The following SLC10A7 variants were observed in gnomAD, a reference collection of about 807,000 sequenced individuals.
SLC10A7 encodes sodium/bile acid cotransporter 7.
A neutral mutation model predicts 43.2 loss-of-function variants in SLC10A7; 29 were observed. The observed-to-expected ratio is 0.67, with a 90% confidence interval of 0.50 to 0.92. The LOEUF is 0.92. Among genes scored for constraint, SLC10A7 ranks in the 40% least tolerant of loss-of-function variants. SLC10A7 has a pLI of 0.00. For missense variants in SLC10A7, 295 were observed against 403.2 expected, an observed-to-expected ratio of 0.73 and a Z score of 2.30; for synonymous variants, 152 against 144.8, an observed-to-expected ratio of 1.05 and a Z score of -0.35.
rs185040300 is a variant in SLC10A7, at chr4:146,496,613, G to T, written c.396+7236C>A. On this transcript the variant is annotated intron_variant, in intron 4 of 11. Transcript: ENST00000335472. ...AATCTGAAAAACCTGGCCTTGTTAA[G>T]TGCCCCAGTTTATTACCATTAGAGC... Among the ~76,000 whole-genome samples the T allele has an allele frequency of 2.6e-5, 4 of 152,232 alleles. No individual in the cohort carries two copies. The South Asian group carries it at 8.3e-4, about 32-fold the overall frequency.
chr4:146,345,398 A>G (rs551561006), intron 5 of SLC10A7, among the ~76,000 whole-genome samples: 11 of 152,258 alleles, frequency 7.2e-5, no homozygotes, highest in Non-Finnish European at 1.3e-4. Flanking sequence ...TTAAGGACGA[A>G]TATTATAACT....
Position 146,454,350 on chromosome 4 carries a change from G to A in SLC10A7, c.397-11529C>T, listed in dbSNP as rs79075938. On this transcript the variant is annotated intron_variant, in intron 4 of 11. Coordinates refer to ENST00000335472, the MANE Select transcript of SLC10A7 (RefSeq NM_001029998.6). ...AAATCAGAATTTTTAAGTGGGAGAG[G>A]CCATTAAATACTATGACAATCCCTT... Among the ~76,000 whole-genome samples, 355 of 151,880 alleles carry A rather than the reference G, an allele frequency of 2.3e-3. 2 individuals are homozygous for A. Among genetic ancestry groups the A allele is most frequent in the African/African-American group, 8.2e-3 (339 of 41,488 alleles).
At chr4:146,456,001 T>C (rs972347860) in intron 4 of SLC10A7, among the ~76,000 whole-genome samples, 2 of 151,724 alleles carry the variant, frequency 1.3e-5, no homozygotes, top group African/African-American at 4.8e-5. Flanking sequence ...CAATTTGTAA[T>C]ATGTGCTGAT....
At chr4:146,287,485 C>T (rs141860445) in intron 9 of SLC10A7, among the ~76,000 whole-genome samples, 1 of 151,984 alleles carries the variant, frequency 6.6e-6, no homozygotes, top group Non-Finnish European at 1.5e-5. Context: ...AGAGAACGGG[C>T]AAGCAGAGGC....
chr4:146,489,001 A>C (rs1369093787), intron 4 of SLC10A7, among the ~76,000 whole-genome samples: 1 of 152,212 alleles, frequency 6.6e-6, no homozygotes, highest in Non-Finnish European at 1.5e-5. Context: ...AACTGTGAAT[A>C]AGAAGCACAC....
intron 5 of SLC10A7, among the ~76,000 whole-genome samples, chr4:146,417,958 T>C (rs1221982130): frequency 6.6e-6 from 1 of 151,838 alleles, no homozygotes; most frequent in Non-Finnish European, 1.5e-5. Context: ...CTCCTCTCTC[T>C]CCTCCCTGGG....
At chr4:146,489,789 A>T (rs948127427) in intron 4 of SLC10A7, among the ~76,000 whole-genome samples, 2 of 152,108 alleles carry the variant, frequency 1.3e-5, no homozygotes, top group African/African-American at 4.8e-5. Context: ...GGCTTTTCCC[A>T]CTCAACTGGT....
intron 4 of SLC10A7, among the ~76,000 whole-genome samples, chr4:146,446,315 A>G (rs1169108166): frequency 6.6e-6 from 1 of 152,030 alleles, no homozygotes; most frequent in Non-Finnish European, 1.5e-5. Context: ...GGTGACTCAC[A>G]CCTGTAATCC....
intron 4 of SLC10A7, among the ~76,000 whole-genome samples, chr4:146,447,999 T>C (rs1391580259): frequency 6.6e-6 from 1 of 150,462 alleles, no homozygotes; most frequent in Non-Finnish European, 1.5e-5. Context: ...TTCTCACTCA[T>C]AGGTGGGAAT....
chr4:146,500,388 G>A (rs1736287166), intron 4 of SLC10A7, among the ~76,000 whole-genome samples: 1 of 152,022 alleles, frequency 6.6e-6, no homozygotes, highest in Non-Finnish European at 1.5e-5. Flanking sequence ...ATCACTCTCA[G>A]TGGTTGACCT....
intron 4 of SLC10A7, among the ~76,000 whole-genome samples, chr4:146,468,200 GAC>G (rs1301729382): frequency 6.6e-6 from 1 of 152,084 alleles, no homozygotes; most frequent in Non-Finnish European, 1.5e-5. Flanking sequence ...AATTAAATAA[GAC>G]AATTCATGAC....
At chr4:146,417,991 A>C (rs1405898282) in intron 5 of SLC10A7, among the ~76,000 whole-genome samples, 1 of 144,280 alleles carries the variant, frequency 6.9e-6, no homozygotes, top group Non-Finnish European at 1.5e-5. Flanking sequence ...CTGAACAGAC[A>C]ATATCTGAAC....
intron 5 of SLC10A7, among the ~76,000 whole-genome samples, chr4:146,357,073 C>T (rs953839175): frequency 1.3e-5 from 2 of 152,086 alleles, no homozygotes; most frequent in African/African-American, 4.8e-5. Context: ...AGGAGAGGTA[C>T]GTCACCCATG....
At chr4:146,450,096 AAAAC>A (rs138415715) in intron 4 of SLC10A7, among the ~76,000 whole-genome samples, 38,594 of 151,760 alleles carry the variant, frequency 0.25, 4,992 homozygotes, top group South Asian at 0.34. Context: ...TAGCTGAGCT[AAAAC>A]AAACAAACAA....
intron 5 of SLC10A7, among the ~76,000 whole-genome samples, chr4:146,342,298 T>C (rs1440668004): frequency 1.3e-5 from 2 of 151,762 alleles, no homozygotes; most frequent in African/African-American, 2.4e-5. Context: ...GTTTAAAAAG[T>C]GATTATACAG....
chr4:146,437,084 T>C (rs1249293172), intron 5 of SLC10A7, among the ~76,000 whole-genome samples: 2 of 152,124 alleles, frequency 1.3e-5, no homozygotes, highest in African/African-American at 4.8e-5. Flanking sequence ...TTATGCTTTG[T>C]GTATTTGCTT....
intron 6 of SLC10A7, among the ~76,000 whole-genome samples, chr4:146,307,754 T>A (rs1731683243): frequency 6.6e-6 from 1 of 152,162 alleles, no homozygotes; most frequent in Admixed American, 6.5e-5. Flanking sequence ...AAAGGTGACA[T>A]TTCCTGCCTG....
At chr4:146,377,912 T>A (rs934321022) in intron 5 of SLC10A7, among the ~76,000 whole-genome samples, 5 of 152,200 alleles carry the variant, frequency 3.3e-5, no homozygotes, top group African/African-American at 1.2e-4. Context: ...GCCAGTATTG[T>A]AAGTAAAGAT....
intron 5 of SLC10A7, among the ~76,000 whole-genome samples, chr4:146,347,991 C>T (rs573358351): frequency 6.6e-5 from 10 of 152,196 alleles, no homozygotes; most frequent in Middle Eastern, 3.4e-3. Flanking sequence ...TAAGAGAAAG[C>T]ATTGGATATA....
Sources: allele counts gnomAD v4.1 joint callset (sites outside exome capture counted in the v4.1 genomes callset), GRCh38; gene constraint gnomAD v4.1.1; transcripts MANE v1.5; gene names NCBI Gene and HGNC (gene_info 2026-07-23, HGNC 2026-07-21).